Variants in TRERF1 observed in about 807,000 individuals in gnomAD.
TRERF1 encodes the protein transcriptional regulating factor 1.
TRERF1 carries 27 observed loss-of-function variants against 122.9 expected under a neutral mutation model. The observed-to-expected ratio is 0.22, with a 90% CI of 0.16 to 0.30. The LOEUF (loss-of-function observed/expected upper bound fraction) is 0.30, where lower values mean the gene tolerates loss of function less well. TRERF1 is among the 10% of genes least tolerant of loss of function. The pLI, the probability that TRERF1 is intolerant of heterozygous loss-of-function variation, is 1.00. For synonymous variants in TRERF1, 636 were observed against 641.7 expected, an observed-to-expected ratio of 0.99 and a Z score of 0.13; for missense variants, 1,248 against 1,560.3, an observed-to-expected ratio of 0.80 and a Z score of 3.37.
chr6:42,450,999 G>A (rs1160834851), intron 2 of TRERF1, among the ~76,000 whole-genome samples, 178 bp downstream of exon 2: 1 of 152,094 alleles, frequency 6.6e-6, no homozygotes. Context: ...TGTGCAGCCC[G>A]GAGAGGGAAG....
chr6:42,405,754 C>T (rs1780080439), intron 2 of TRERF1, among the ~76,000 whole-genome samples: 1 of 148,846 alleles, frequency 6.7e-6, no homozygotes, highest in Non-Finnish European at 1.5e-5. Context: ...GCGATCACAC[C>T]ATTGCATTCT....
chr6:42,451,056 G>T (rs1012067016), intron 2 of TRERF1, 121 bp downstream of exon 2: 1 of 152,036 alleles, frequency 6.6e-6, no homozygotes, highest in Non-Finnish European at 1.5e-5. Context: ...AGTAAAGGGG[G>T]GGGAGACTTC....
rs1562124412 is a variant in TRERF1, at chr6:42,393,055, C to G, written c.-453-29976G>C. 6.6e-6 allele frequency among the ~76,000 whole-genome samples: 1 copy of G among 152,164 alleles called. No individual in the cohort carries two copies. The highest frequency in any genetic ancestry group is 6.5e-5 in the Admixed American group (1 of 15,284). ...ACATGGAGTTGGGAAGAGACATGCA[C>G]AGTTAACTCCCACGAGCTGGTGCGA... is the stretch of plus-strand genomic sequence containing the variant. On this transcript the variant is annotated intron_variant, in intron 2 of 17. Coordinates refer to ENST00000372922, the Ensembl canonical transcript of TRERF1. This position sits in a 1 kb window ranked among gnomAD's most constrained non-coding sequence, Gnocchi z 4.1.
intron 3 of TRERF1, among the ~76,000 whole-genome samples, chr6:42,309,281 A>G (rs971203213): frequency 3.3e-5 from 5 of 152,200 alleles, no homozygotes; most frequent in African/African-American, 1.2e-4. Context: ...TAAATGCACT[A>G]TCTCAGAATC....
intron 2 of TRERF1, among the ~76,000 whole-genome samples, chr6:42,422,884 G>A (rs1334540694): frequency 2.6e-5 from 4 of 152,012 alleles, no homozygotes; most frequent in Non-Finnish European, 5.9e-5. Context: ...TTGTTGCCCA[G>A]GCTGGAGTGC....
intron 2 of TRERF1, among the ~76,000 whole-genome samples, chr6:42,417,931 A>G (rs1582109351): frequency 6.6e-6 from 1 of 152,356 alleles, no homozygotes; most frequent in East Asian, 1.9e-4. Context: ...GAACACACAC[A>G]CATACAATTC....
chr6:42,409,744 T>C (rs1328709864), intron 2 of TRERF1, among the ~76,000 whole-genome samples: 7 of 152,214 alleles, frequency 4.6e-5, no homozygotes, highest in Non-Finnish European at 8.8e-5. Flanking sequence ...TGTTAAACTA[T>C]GTTAAATAAG....
chr6:42,400,319 C>CA (rs1180003336), intron 2 of TRERF1, among the ~76,000 whole-genome samples: 7 of 152,218 alleles, frequency 4.6e-5, no homozygotes, highest in Non-Finnish European at 1.0e-4. Flanking sequence ...ATGACAGCTG[C>CA]GCAGCCCAGC....
intron 2 of TRERF1, among the ~76,000 whole-genome samples, chr6:42,420,972 T>A (rs1216129154): frequency 1.3e-5 from 2 of 152,232 alleles, no homozygotes; most frequent in Non-Finnish European, 2.9e-5. Flanking sequence ...GACAGCTCCA[T>A]CCACGGTTCT....
At chr6:42,374,675 A>T (rs1162263566) in intron 2 of TRERF1, among the ~76,000 whole-genome samples, 1 of 152,022 alleles carries the variant, frequency 6.6e-6, no homozygotes, top group Non-Finnish European at 1.5e-5. Flanking sequence ...ACCCCCTACC[A>T]TCTCCTCAGA....
intron 2 of TRERF1, among the ~76,000 whole-genome samples, chr6:42,408,808 C>T (rs1780692023): frequency 6.6e-6 from 1 of 152,076 alleles, no homozygotes. Flanking sequence ...AAAATACCAC[C>T]TGCTTCCTCT....
At chr6:42,404,680 C>T (rs1779916936) in intron 2 of TRERF1, among the ~76,000 whole-genome samples, 1 of 152,084 alleles carries the variant, frequency 6.6e-6, no homozygotes, top group Non-Finnish European at 1.5e-5. Flanking sequence ...ATACTCTCCT[C>T]CTGCCTCTTG....
chr6:42,258,489 C>T (rs1338925858), intron 9 of TRERF1, among the ~76,000 whole-genome samples: 1 of 152,242 alleles, frequency 6.6e-6, no homozygotes, highest in African/African-American at 2.4e-5. Context: ...ATCCTAGCCT[C>T]TCTATGCTTG....
intron 2 of TRERF1, among the ~76,000 whole-genome samples, chr6:42,446,913 G>A (rs1787621037): frequency 6.6e-6 from 1 of 152,182 alleles, no homozygotes; most frequent in African/African-American, 2.4e-5. Flanking sequence ...GCTGGGGCAG[G>A]AGGATCACTT....
At chr6:42,407,466 G>C (rs948315987) in intron 2 of TRERF1, among the ~76,000 whole-genome samples, 3 of 152,182 alleles carry the variant, frequency 2.0e-5, no homozygotes, top group African/African-American at 7.2e-5. Flanking sequence ...AGGGGCTCCA[G>C]GATTCCATAA....
rs1261897740 is a variant in TRERF1 at position 42,232,783 on chromosome 6, C to G, written c.3176G>C (p.Gly1059Ala). 1 of 1,613,232 alleles carries G rather than the reference C, an allele frequency of 6.2e-7. No individual in the cohort carries two copies. The highest frequency in any genetic ancestry group is 1.3e-5 in the African/African-American group (1 of 74,914). ...TACCGAACAGTACCCACTCTGGGTG[C>G]CACCAGGCTTCTGCTTCCCAGAGGG... The change falls in exon 17 of 18, where the codon GGC (glycine) becomes GCC (alanine). Residue 1059 changes from glycine (G) to alanine (A), a missense_variant. By Grantham distance (60) the Gly-to-Ala change is moderately conservative. Transcript: ENST00000372922. This position sits in a 1 kb window ranked among gnomAD's most constrained non-coding sequence, Gnocchi z 4.5.
chr6:42,318,956 C>T (rs1451676130), intron 3 of TRERF1, among the ~76,000 whole-genome samples: 1 of 152,250 alleles, frequency 6.6e-6, no homozygotes, highest in African/African-American at 2.4e-5. Context: ...CAAGGTGGAA[C>T]TCCCTGACCA....
At chr6:42,305,404 G>A (rs1449930436) in intron 3 of TRERF1, among the ~76,000 whole-genome samples, 1 of 152,152 alleles carries the variant, frequency 6.6e-6, no homozygotes, top group African/African-American at 2.4e-5. Flanking sequence ...TATACAATGG[G>A]GGTGACAAAT....
At chr6:42,421,435 T>C (rs1782747493) in intron 2 of TRERF1, among the ~76,000 whole-genome samples, 1 of 152,206 alleles carries the variant, frequency 6.6e-6, no homozygotes, top group Non-Finnish European at 1.5e-5. Flanking sequence ...CAGACTTTTT[T>C]TTCCCTACTT....
Sources: allele counts gnomAD v4.1 joint callset (sites outside exome capture counted in the v4.1 genomes callset), GRCh38; gene constraint gnomAD v4.1.1; non-coding constraint Gnocchi (gnomAD v3.1); transcripts MANE v1.5; gene names NCBI Gene and HGNC (gene_info 2026-07-23, HGNC 2026-07-21).